Variants in PCBP3 observed in about 807,000 individuals in gnomAD.
PCBP3 encodes the protein poly(rC) binding protein 3, also known as poly(rC)-binding protein 3.
Under a neutral mutation model 52.7 loss-of-function variants are expected in PCBP3, and 25 were observed. The ratio of observed to expected loss-of-function variants is 0.47; its 90% CI spans 0.35 to 0.66. The LOEUF (loss-of-function observed/expected upper bound fraction) is 0.66. Ranked by LOEUF, PCBP3 falls within the 30% of genes least tolerant of loss-of-function variation. The probability of loss-of-function intolerance (pLI) is 0.01; values close to 1 mark genes in which losing one functional copy is unlikely to be tolerated. For missense variants in PCBP3, 391 were observed against 490.3 expected, an observed-to-expected ratio of 0.80 and a Z score of 1.91; for synonymous variants, 162 against 183.0, an observed-to-expected ratio of 0.89 and a Z score of 0.93.
intron 4 of PCBP3, among the ~76,000 whole-genome samples, chr21:45,806,658 C>T (rs1021592057): frequency 3.6e-4 from 55 of 151,938 alleles, no homozygotes; most frequent in African/African-American, 1.2e-3. Context: ...GTCATGGGGA[C>T]CAGCCAGGGC....
At chr21:45,857,554 T>C (rs2094348784) in intron 5 of PCBP3, among the ~76,000 whole-genome samples, 1 of 152,128 alleles carries the variant, frequency 6.6e-6, no homozygotes, top group African/African-American at 2.4e-5. Context: ...AACAGCCTAA[T>C]ACACCACCTA....
In PCBP3 at chr21:45,702,466, C is replaced by G. The variant is rs144038176; in HGVS notation, c.-199-32926C>G. On this transcript the variant is annotated intron_variant, in intron 2 of 17. Coordinates refer to ENST00000681687, the MANE Select transcript of PCBP3 (RefSeq NM_001384156.1). ...CACCACAATAAAGCAAATATCAAAG[C>G]AAGTCACATGAATTTTTTGGTTTCT... Among the ~76,000 whole-genome samples, 1,500 of 152,242 alleles carry G rather than the reference C, an allele frequency of 9.9e-3. 17 individuals are homozygous for G. Among genetic ancestry groups the G allele is most frequent in the Non-Finnish European group, 0.015 (1,007 of 68,002 alleles).
rs1386515248 is a variant in PCBP3 at position 45,736,237 on chromosome 21, G to T, written c.-162+808G>T. ...CCAGTGCCCCTTTGAGATAGGGATTGTTATTCCCTGAGGCTTGGCGAGGTG... is the reference window on the plus strand; with the variant it reads ...CCAGTGCCCCTTTGAGATAGGGATTTTTATTCCCTGAGGCTTGGCGAGGTG... On this transcript the variant is annotated intron_variant, in intron 3 of 17. Coordinates refer to ENST00000681687, the MANE Select transcript of PCBP3 (RefSeq NM_001384156.1). The surrounding 1 kb of genome is among the most constrained non-coding windows in gnomAD (Gnocchi z 4.6). Among the ~76,000 whole-genome samples, 1 of 152,220 alleles carries T rather than the reference G, an allele frequency of 6.6e-6. No individual in the cohort carries two copies. Among genetic ancestry groups the T allele is most frequent in the Non-Finnish European group, 1.5e-5 (1 of 68,038 alleles).
At chr21:45,651,296 A>G (rs1187477674) in intron 1 of PCBP3, among the ~76,000 whole-genome samples, 1 of 152,216 alleles carries the variant, frequency 6.6e-6, no homozygotes, top group East Asian at 1.9e-4. Flanking sequence ...TAACCAGCTT[A>G]TTATTTATTT....
chr21:45,872,652 G>C (rs111428304), intron 5 of PCBP3: 6 of 152,350 alleles, frequency 3.9e-5, no homozygotes, highest in Non-Finnish European at 7.3e-5. Flanking sequence ...TTGGGGCTGC[G>C]GTCCCAGTGC....
intron 2 of PCBP3, among the ~76,000 whole-genome samples, chr21:45,721,185 G>A (rs1040695935): frequency 2.0e-5 from 3 of 152,216 alleles, no homozygotes; most frequent in Non-Finnish European, 4.4e-5. Flanking sequence ...GGCCAAGGCA[G>A]TAGGATCACT....
intron 4 of PCBP3, among the ~76,000 whole-genome samples, chr21:45,846,047 C>T (rs761005400): frequency 2.0e-5 from 3 of 152,160 alleles, no homozygotes; most frequent in Non-Finnish European, 4.4e-5. Context: ...GATTCCATCT[C>T]GTTTGTATCC....
At chr21:45,666,371 A>T (rs561977234) in intron 1 of PCBP3, among the ~76,000 whole-genome samples, 1 of 146,504 alleles carries the variant, frequency 6.8e-6, no homozygotes, top group African/African-American at 2.6e-5. Flanking sequence ...TAAATCAAGT[A>T]GGAGGAAAGG....
rs79088072 is a variant in PCBP3 at position 45,774,033 on chromosome 21, A to G, written c.-126+18581A>G. 5.9e-5 allele frequency among the ~76,000 whole-genome samples: 9 copies of G among 152,136 alleles called. 1 individual carries two copies. The highest frequency in any genetic ancestry group is 4.6e-4 in the Admixed American group (7 of 15,270). ...TGATTTCTTTCTTGACTAGATCACT[A>G]TTGGTGTGTGGAAATGCTGCTGATT... is the stretch of plus-strand genomic sequence containing the variant. On this transcript the variant is annotated intron_variant, in intron 4 of 17. Transcript: ENST00000681687.
Position 45,682,671 on chromosome 21 carries a change from G to A in PCBP3, c.-200+13719G>A, listed in dbSNP as rs530252408. Among the ~76,000 whole-genome samples, 13 of 152,110 alleles carry A rather than the reference G, an allele frequency of 8.5e-5. No homozygotes were observed. In the South Asian group the frequency reaches 2.3e-3, roughly 27 times the overall value. On this transcript the variant is annotated intron_variant, in intron 2 of 17. Transcript: ENST00000681687. ...ATGAGAGGAAGAAAAGAGTCCCAGG[G>A]TTTTAGACTGACAAGCAGGAGAATG...
chr21:45,654,262 T>A (rs926810642), intron 1 of PCBP3, among the ~76,000 whole-genome samples: 3 of 152,074 alleles, frequency 2.0e-5, no homozygotes, highest in African/African-American at 7.2e-5. Context: ...TAACTTATTC[T>A]GGGATGATTT....
At chr21:45,908,564 G>T (rs2096263204) in intron 9 of PCBP3, among the ~76,000 whole-genome samples, 1 of 152,164 alleles carries the variant, frequency 6.6e-6, no homozygotes, top group Non-Finnish European at 1.5e-5. Context: ...AGAGCTGGGG[G>T]TGTCCTGGGG....
chr21:45,870,457 C>T (rs939179359), intron 5 of PCBP3, among the ~76,000 whole-genome samples: 1 of 152,226 alleles, frequency 6.6e-6, no homozygotes, highest in Non-Finnish European at 1.5e-5. Flanking sequence ...CATGCACACC[C>T]TTCCTAGGGC....
At position 45,689,185 on chromosome 21, in the gene PCBP3, A is replaced by G. The variant is rs188270615; in HGVS notation, c.-200+20233A>G. On this transcript the variant is annotated intron_variant, in intron 2 of 17. Coordinates refer to ENST00000681687, the MANE Select transcript of PCBP3 (RefSeq NM_001384156.1). ...TAGATATAAAAGTCCTTAATCACTG[A>G]TATAAAAGATGACAAGTATCAGCAA... 1.8e-3 allele frequency among the ~76,000 whole-genome samples: 268 copies of G among 152,262 alleles called. 1 individual carries two copies. Among genetic ancestry groups the G allele is most frequent in the Middle Eastern group, 6.8e-3 (2 of 294 alleles).
rs2095382637 is a variant in PCBP3, at chr21:45,880,752, C to T, written c.11-15456C>T. On this transcript the variant is annotated intron_variant, in intron 5 of 17. Transcript: ENST00000681687. This position sits in a 1 kb window ranked among gnomAD's most constrained non-coding sequence, Gnocchi z 5.4. Reference sequence around the variant, plus strand: ...GGTACAGCCTGGTAGGCAATACCCTCCAGAAGAAGGTCCTGATAAGTGGGT... The same window carrying T: ...GGTACAGCCTGGTAGGCAATACCCTTCAGAAGAAGGTCCTGATAAGTGGGT... 6.6e-6 allele frequency among the ~76,000 whole-genome samples: 1 copy of T among 152,094 alleles called. No individual in the cohort carries two copies. Among genetic ancestry groups the T allele is most frequent in the African/African-American group, 2.4e-5 (1 of 41,410 alleles).
chr21:45,687,578 A>G (rs1211183749), intron 2 of PCBP3, among the ~76,000 whole-genome samples: 2 of 152,328 alleles, frequency 1.3e-5, no homozygotes, highest in Admixed American at 6.5e-5. Context: ...TAAATGGTCA[A>G]AACATTCCAA....
chr21:45,909,796 C>T (rs1389460815), intron 10 of PCBP3, among the ~76,000 whole-genome samples: 1 of 68,198 alleles, frequency 1.5e-5, no homozygotes, highest in Non-Finnish European at 3.2e-5. Context: ...ACGGACCCCC[C>T]CCCCACCCAC....
chr21:45,795,722 G>A (rs549822589), intron 4 of PCBP3, among the ~76,000 whole-genome samples: 2 of 152,294 alleles, frequency 1.3e-5, no homozygotes, highest in East Asian at 3.9e-4. Context: ...TAGGAAAAAT[G>A]AATGAAGATA....
At chr21:45,881,975 C>T (rs2095415649) in intron 5 of PCBP3, among the ~76,000 whole-genome samples, 1 of 152,196 alleles carries the variant, frequency 6.6e-6, no homozygotes, top group African/African-American at 2.4e-5. Context: ...CATATCTAGG[C>T]TGTTGTGAGT....
Sources: gnomAD v4.1 joint callset for allele counts (sites outside exome capture counted in the v4.1 genomes callset) on GRCh38, gnomAD v4.1.1 for gene constraint, Gnocchi (gnomAD v3.1) non-coding constraint, MANE v1.5 for transcripts, NCBI Gene and HGNC (gene_info 2026-07-23, HGNC 2026-07-21) for gene names.